The following MYO16 variants were observed in gnomAD, a reference collection of about 807,000 sequenced individuals.
MYO16 encodes unconventional myosin-XVI.
A neutral mutation model predicts 205.3 loss-of-function variants in MYO16; 94 were observed. The observed-to-expected ratio is 0.46, with a 90% CI of 0.39 to 0.54. The LOEUF (loss-of-function observed/expected upper bound fraction) is 0.54. MYO16 is among the 20% of genes least tolerant of loss of function. MYO16 has a pLI of 0.00. For synonymous variants in MYO16, 988 were observed against 954.0 expected (o/e 1.04, Z -0.66); for missense variants, 2,315 against 2,387.5 (o/e 0.97, Z 0.63).
Position 108,814,288 on chromosome 13 carries a change from CA to C in MYO16, c.868-6046del, listed in dbSNP as rs1887382963. 2.0e-5 allele frequency among the ~76,000 whole-genome samples: 3 copies of C among 152,164 alleles called. No individual in the cohort carries two copies. The South Asian group carries it at 6.2e-4, about 32-fold the overall frequency. Reference sequence around the variant, plus strand: ...AGCTTTAGCATTATTGCCATTCTTTCAAATTTGTGGAAAACAAAGGCAATCT... The same window carrying C: ...AGCTTTAGCATTATTGCCATTCTTTCAATTTGTGGAAAACAAAGGCAATCT... On this transcript the variant is annotated intron_variant, in intron 7 of 34. Transcript: ENST00000457511.
At chr13:108,967,387 G>C (rs961352792) in intron 20 of MYO16, among the ~76,000 whole-genome samples, 1 of 152,078 alleles carries the variant, frequency 6.6e-6, no homozygotes, top group African/African-American at 2.4e-5. Context: ...GATCCAAATA[G>C]GTTTTGCTTC....
chr13:108,846,681 T>G (rs1441794142), intron 10 of MYO16, among the ~76,000 whole-genome samples: 1 of 152,106 alleles, frequency 6.6e-6, no homozygotes, highest in East Asian at 1.9e-4. Flanking sequence ...TATTTTAATT[T>G]GTTATTAAGA....
intron 17 of MYO16, among the ~76,000 whole-genome samples, chr13:108,958,195 A>G (rs913169534): frequency 2.7e-5 from 4 of 147,678 alleles, no homozygotes; most frequent in African/African-American, 7.4e-5. Flanking sequence ...TTAATCATAA[A>G]CTTTATAAAT....
chr13:108,724,240 A>G (rs1884261975), intron 3 of MYO16, among the ~76,000 whole-genome samples: 1 of 152,208 alleles, frequency 6.6e-6, no homozygotes, highest in African/African-American at 2.4e-5. Flanking sequence ...TGATCATGTC[A>G]TATGCGAATA....
At chr13:108,853,507 G>C (rs1237156297) in intron 10 of MYO16, among the ~76,000 whole-genome samples, 2 of 151,828 alleles carry the variant, frequency 1.3e-5, no homozygotes, top group African/African-American at 4.8e-5. Context: ...ATGTTGCAAA[G>C]TAGTTAAAAT....
chr13:108,539,493 A>T, the MYO16 span, among the ~76,000 whole-genome samples: 1 of 152,124 alleles, frequency 6.6e-6, no homozygotes, highest in African/African-American at 2.4e-5. Context: ...AAACCAGGAG[A>T]AGAAGGTGTG....
chr13:108,792,724 C>T (rs1886655062), intron 5 of MYO16, among the ~76,000 whole-genome samples: 2 of 152,030 alleles, frequency 1.3e-5, no homozygotes, highest in African/African-American at 2.4e-5. Flanking sequence ...GTTGGCCAGG[C>T]TGGTCTTCAG....
intron 1 of MYO16, among the ~76,000 whole-genome samples, chr13:108,656,672 G>C (rs573936819): frequency 5.8e-4 from 89 of 152,188 alleles, no homozygotes; most frequent in African/African-American, 2.0e-3. Context: ...TTCCTTTACA[G>C]AAAATATTCC....
chr13:108,809,134 T>C (rs1887207527), intron 7 of MYO16, among the ~76,000 whole-genome samples: 2 of 152,210 alleles, frequency 1.3e-5, no homozygotes, highest in Non-Finnish European at 2.9e-5. Flanking sequence ...ATTAAGATTG[T>C]TTTTATTACT....
intron 13 of MYO16, chr13:108,886,488 G>A (rs1594370523): frequency 6.6e-6 from 3 of 456,206 alleles, no homozygotes; most frequent in African/African-American, 4.0e-5. Context: ...TTTATTATGC[G>A]AAAGGGAAGC....
At chr13:109,033,225 TC>T (rs1278937783) in intron 23 of MYO16, among the ~76,000 whole-genome samples, 3 of 152,236 alleles carry the variant, frequency 2.0e-5, no homozygotes, top group Admixed American at 2.0e-4. Context: ...GTCTCTCTGT[TC>T]TGTAGCCTGT....
At chr13:108,543,273 G>T in the MYO16 span, among the ~76,000 whole-genome samples, 2 of 152,092 alleles carry the variant, frequency 1.3e-5, no homozygotes, top group Non-Finnish European at 2.9e-5. Context: ...ATTGTAAAAT[G>T]CACAGTAATA....
chr13:108,823,074 G>A, intron 8 of MYO16, 51 bp from the exon 9 acceptor site: 2 of 1,486,966 alleles, frequency 1.3e-6, no homozygotes, highest in Non-Finnish European at 1.8e-6. Context: ...ATAGATTTAT[G>A]TGCTATCACC....
chr13:108,887,066 G>T (rs558234582), intron 13 of MYO16, among the ~76,000 whole-genome samples: 1 of 152,222 alleles, frequency 6.6e-6, no homozygotes, highest in South Asian at 2.1e-4. Context: ...AGTGTCAGTT[G>T]TGTCCCAGAA....
chr13:109,023,695 G>A (rs1297899708), intron 23 of MYO16, among the ~76,000 whole-genome samples: 1 of 113,470 alleles, frequency 8.8e-6, no homozygotes, highest in Non-Finnish European at 1.8e-5. Context: ...ACATATATAT[G>A]TATATATGTA....
chr13:108,941,287 A>G (rs1882709682), intron 16 of MYO16, among the ~76,000 whole-genome samples: 1 of 152,148 alleles, frequency 6.6e-6, no homozygotes, highest in South Asian at 2.1e-4. Context: ...CAGTTTCAGG[A>G]GACAGATCGA....
intron 1 of MYO16, among the ~76,000 whole-genome samples, chr13:108,632,473 C>G (rs980069059): frequency 6.6e-6 from 1 of 152,086 alleles, no homozygotes; most frequent in Non-Finnish European, 1.5e-5. Flanking sequence ...TGACCAATAG[C>G]TAATGCTCGC....
chr13:109,125,091 C>T lies in MYO16; in HGVS notation c.3536-21C>T. On this transcript the variant is annotated intron_variant, in intron 29 of 34. Coordinates refer to ENST00000457511, the MANE Select transcript of MYO16 (RefSeq NM_001198950.3). The surrounding 1 kb of genome is among the most constrained non-coding windows in gnomAD (Gnocchi z 4.0). ...TTTTCACTTTTCCTCCATTTACTAA[C>T]CCATGATCCTTCTATAAAAGTTATC... is the stretch of plus-strand genomic sequence containing the variant. The T allele has an allele frequency of 6.2e-7, 1 of 1,612,564 alleles. No individual in the cohort carries two copies. Among genetic ancestry groups the T allele is most frequent in the Non-Finnish European group, 8.5e-7 (1 of 1,179,004 alleles).
In MYO16 at chr13:108,677,669, G is replaced by A. The variant is rs113920645; in HGVS notation, c.292+11520G>A. On this transcript the variant is annotated intron_variant, in intron 2 of 34. Transcript: ENST00000457511. ...GTCACTTCCTCTGTGTCAATTTCTC[G>A]CGCCATACAATGTTATTTCTTAGAG... 7.9e-5 allele frequency among the ~76,000 whole-genome samples: 12 copies of A among 151,754 alleles called. 1 individual carries two copies. The highest frequency in any genetic ancestry group is 1.9e-4 in the East Asian group (1 of 5,142).
Sources: gnomAD v4.1 joint callset for allele counts (sites outside exome capture counted in the v4.1 genomes callset) on GRCh38, gnomAD v4.1.1 for gene constraint, Gnocchi (gnomAD v3.1) non-coding constraint, MANE v1.5 for transcripts, NCBI Gene and HGNC (gene_info 2026-07-23, HGNC 2026-07-21) for gene names.